Variants in YEATS2 observed in about 807,000 individuals in gnomAD.
The protein encoded by YEATS2 is YEATS domain containing 2.
A neutral mutation model predicts 163.2 loss-of-function variants in YEATS2; 77 were observed. The ratio of observed to expected loss-of-function variants is 0.47; its 90% CI spans 0.39 to 0.57. The LOEUF (loss-of-function observed/expected upper bound fraction) is 0.57, where lower values mean the gene tolerates loss of function less well. Ranked by LOEUF, YEATS2 falls within the 20% of genes least tolerant of loss-of-function variation. YEATS2 has a pLI of 0.00. For missense variants in YEATS2, 1,549 were observed against 1,729.8 expected, an observed-to-expected ratio of 0.90 and a Z score of 1.85; for synonymous variants, 631 against 645.1, an observed-to-expected ratio of 0.98 and a Z score of 0.33.
At chr3:183,725,909 T>A (rs944773381) in intron 6 of YEATS2, among the ~76,000 whole-genome samples, 5 of 152,226 alleles carry the variant, frequency 3.3e-5, no homozygotes, top group African/African-American at 1.2e-4. Flanking sequence ...TTCTTCAAAA[T>A]CTTACTTCAG....
intron 1 of YEATS2, among the ~76,000 whole-genome samples, chr3:183,698,232 C>T (rs1410998457): frequency 2.6e-5 from 4 of 152,184 alleles, no homozygotes; most frequent in African/African-American, 9.6e-5. Flanking sequence ...GCTTCCTCTT[C>T]AGCGGGGCGC....
chr3:183,795,886 G>A (rs1045171663), intron 21 of YEATS2, among the ~76,000 whole-genome samples: 1 of 151,836 alleles, frequency 6.6e-6, no homozygotes, highest in African/African-American at 2.4e-5. Context: ...TTTATTTAAG[G>A]CCTTGCTCTA....
At chr3:183,719,226 C>T (rs1367487115) in intron 4 of YEATS2, among the ~76,000 whole-genome samples, 1 of 150,644 alleles carries the variant, frequency 6.6e-6, no homozygotes, top group South Asian at 2.1e-4. Context: ...GCAGTGGCCT[C>T]CCAGGTTCAA....
intron 8 of YEATS2, among the ~76,000 whole-genome samples, chr3:183,741,955 TC>T (rs1373987678): frequency 6.6e-6 from 1 of 151,292 alleles, no homozygotes; most frequent in Non-Finnish European, 1.5e-5. Flanking sequence ...ATGCCTGTAA[TC>T]CCAGCCCTTT....
intron 8 of YEATS2, among the ~76,000 whole-genome samples, chr3:183,744,514 G>A (rs996973355): frequency 2.6e-5 from 4 of 152,090 alleles, no homozygotes; most frequent in Non-Finnish European, 4.4e-5. Context: ...AATTCTTTAC[G>A]TACTTTTCAC....
intron 8 of YEATS2, among the ~76,000 whole-genome samples, chr3:183,745,810 T>C (rs1384140082): frequency 6.6e-6 from 1 of 152,078 alleles, no homozygotes; most frequent in African/African-American, 2.4e-5. Flanking sequence ...TTTGTCCTTT[T>C]GTCGTAGTGT....
chr3:183,780,167 G>C (rs1723427121), intron 19 of YEATS2, among the ~76,000 whole-genome samples: 1 of 152,148 alleles, frequency 6.6e-6, no homozygotes. Flanking sequence ...GTATTTGAAA[G>C]AGCTGTTAAA....
At chr3:183,722,753 A>G (rs1381944150) in intron 5 of YEATS2, among the ~76,000 whole-genome samples, 1 of 152,076 alleles carries the variant, frequency 6.6e-6, no homozygotes. Flanking sequence ...CCCAGGTTCA[A>G]GCTATTTTCC....
At chr3:183,799,526 G>A (rs1318783844) in intron 23 of YEATS2, among the ~76,000 whole-genome samples, 3 of 152,202 alleles carry the variant, frequency 2.0e-5, no homozygotes, top group Non-Finnish European at 4.4e-5. Context: ...CATTTGGGGA[G>A]TATACTCATG....
At chr3:183,783,989 TC>T (rs1723820361) in intron 19 of YEATS2, among the ~76,000 whole-genome samples, 1 of 151,892 alleles carries the variant, frequency 6.6e-6, no homozygotes, top group South Asian at 2.1e-4. Context: ...TGCAGCACCC[TC>T]GACCTCCTGG....
intron 7 of YEATS2, among the ~76,000 whole-genome samples, chr3:183,730,056 T>TTTG (rs1560244351): frequency 0.021 from 334 of 15,974 alleles, no homozygotes; most frequent in Middle Eastern, 0.056. Flanking sequence ...TTGTTTGTTT[T>TTTG]TTTTTTTTTT....
At chr3:183,786,434 T>C in intron 20 of YEATS2, 133 bp downstream of exon 20, 2 of 863,952 alleles carry the variant, frequency 2.3e-6, no homozygotes, top group South Asian at 1.9e-5. Context: ...TAAAGAAATA[T>C]TCACATACCA....
chr3:183,793,363 TC>T, intron 21 of YEATS2: 1 of 1,093,446 alleles, frequency 9.1e-7, no homozygotes, highest in Non-Finnish European at 1.1e-6. Flanking sequence ...GATTTCTACC[TC>T]CCTGTTAAAA....
At chr3:183,698,587 A>G (rs1713737386) in intron 1 of YEATS2, among the ~76,000 whole-genome samples, 1 of 152,230 alleles carries the variant, frequency 6.6e-6, no homozygotes, top group African/African-American at 2.4e-5. Context: ...GGTTTTCTCC[A>G]TCATGAATGT....
At chr3:183,773,384 C>T (rs570798022) in intron 16 of YEATS2, among the ~76,000 whole-genome samples, 63 of 152,272 alleles carry the variant, frequency 4.1e-4, no homozygotes, top group African/African-American at 1.2e-3. Flanking sequence ...AGAACCAGGA[C>T]GTACGATCAT....
intron 7 of YEATS2, among the ~76,000 whole-genome samples, chr3:183,732,663 C>T (rs903311770): frequency 5.9e-5 from 9 of 151,612 alleles, no homozygotes; most frequent in Non-Finnish European, 1.0e-4. Flanking sequence ...GGGTTCACGC[C>T]GTTCTCCTGC....
intron 11 of YEATS2, among the ~76,000 whole-genome samples, chr3:183,755,425 G>A (rs926713793): frequency 6.6e-6 from 1 of 152,120 alleles, no homozygotes; most frequent in Non-Finnish European, 1.5e-5. Context: ...TCATTGGTAG[G>A]CAATTTTACC....
In YEATS2 at chr3:183,798,019, G is replaced by A; in HGVS notation, c.3194G>A (p.Gly1065Glu). The A allele has an allele frequency of 1.2e-6, 2 of 1,614,078 alleles. No homozygotes were observed. The highest frequency in any genetic ancestry group is 2.2e-5 in the South Asian group (2 of 91,066). ...CCACTCAGCGTAAACACATCTGGAGGGGTGCAGACGATCCTGATGCCTGTG... is the reference window on the plus strand; with the variant it reads ...CCACTCAGCGTAAACACATCTGGAGAGGTGCAGACGATCCTGATGCCTGTG... ...LKPLSVNTSG[G>E]VQTILMPVNK... Residue 1065 changes from glycine (G) to glutamate (E), a missense_variant, in exon 22 of 31, where the codon GGG becomes GAG. Coordinates refer to ENST00000305135, the MANE Select transcript of YEATS2 (RefSeq NM_018023.5).
intron 9 of YEATS2, among the ~76,000 whole-genome samples, chr3:183,749,475 A>C (rs572354946): frequency 6.6e-6 from 1 of 152,064 alleles, no homozygotes; most frequent in African/African-American, 2.4e-5. Context: ...CTGCTGCTCT[A>C]CTTTCTGTCT....
Sources: allele counts gnomAD v4.1 joint callset (sites outside exome capture counted in the v4.1 genomes callset), GRCh38; gene constraint gnomAD v4.1.1; transcripts MANE v1.5; gene names NCBI Gene and HGNC (gene_info 2026-07-23, HGNC 2026-07-21).